SF3B3: variants seen among roughly 807,000 people sequenced by gnomAD.
SF3B3 encodes the protein SAP 130.
Under a neutral mutation model 139.2 loss-of-function variants are expected in SF3B3, and 33 were observed. The ratio of observed to expected loss-of-function variants is 0.24; its 90% CI spans 0.18 to 0.32. SF3B3 has a LOEUF of 0.32. Ranked by LOEUF, SF3B3 falls within the 10% of genes least tolerant of loss-of-function variation. The pLI, the probability that SF3B3 is intolerant of heterozygous loss-of-function variation, is 1.00. For missense variants in SF3B3, 818 were observed against 1,509.4 expected, an observed-to-expected ratio of 0.54 and a Z score of 7.59; for synonymous variants, 596 against 563.6, an observed-to-expected ratio of 1.06 and a Z score of -0.81.
intron 9 of SF3B3, 32 bp downstream of exon 9, chr16:70,541,866 A>G (rs1469969379): frequency 6.3e-7 from 1 of 1,584,770 alleles, no homozygotes; most frequent in African/African-American, 1.4e-5. Context: ...CTTCCACAAT[A>G]GATCTAAAGT....
At chr16:70,562,919 C>T (rs1279969292) in intron 17 of SF3B3, among the ~76,000 whole-genome samples, 1 of 151,986 alleles carries the variant, frequency 6.6e-6, no homozygotes, top group Admixed American at 6.6e-5. Flanking sequence ...GCCCCAACTT[C>T]CTGGGCTCAA....
At position 70,574,782 on chromosome 16, in the gene SF3B3, C is replaced by G. The variant is rs2050562194; in HGVS notation, c.*2969C>G. Reference sequence around the variant, plus strand: ...TGCTGTGATTACAGGCGTGAGCCACCATGCCCAGCCTCTAAATTCTGTTTT... The same window carrying G: ...TGCTGTGATTACAGGCGTGAGCCACGATGCCCAGCCTCTAAATTCTGTTTT... On this transcript the variant is annotated 3_prime_UTR_variant, in exon 26 of 26. Transcript: ENST00000302516. The G allele has an allele frequency of 6.6e-6, 1 of 152,140 alleles. No individual in the cohort carries two copies. Among genetic ancestry groups the G allele is most frequent in the Non-Finnish European group, 1.5e-5 (1 of 68,014 alleles). 9.4% of individuals were successfully genotyped at this position (152,140 alleles called of 1,614,324 possible). A position where few individuals can be genotyped will look rare whatever the true frequency, so the allele number is the denominator to read the frequency against.
At chr16:70,533,197 A>G (rs1203596068) in intron 5 of SF3B3, among the ~76,000 whole-genome samples, 1 of 152,182 alleles carries the variant, frequency 6.6e-6, no homozygotes, top group Non-Finnish European at 1.5e-5. Context: ...CCGTTTTAAA[A>G]CAAGTTTCTC....
rs1391097754 is a variant in SF3B3 at position 70,561,740 on chromosome 16, A to G, written c.2244A>G (p.Glu748=). ...AATTTGCATCGGGTTTTGCCTCGGA[A>G]CAGTGTCCCGAGGGCATTGTGGCCA... is the stretch of plus-strand genomic sequence containing the variant. ...TLEFASGFAS[E]QCPEGIVAIS... is the part of the protein sequence containing the mutation. The change falls in exon 17 of 26, where the codon GAA becomes GAG. Residue 748 remains glutamate, a synonymous_variant. Transcript: ENST00000302516. 4.3e-6 allele frequency: 7 copies of G among 1,613,934 alleles called. No homozygotes were observed. The highest frequency in any genetic ancestry group is 5.9e-6 in the Non-Finnish European group (7 of 1,179,986).
At chr16:70,555,580 C>G (rs949980614) in intron 13 of SF3B3, among the ~76,000 whole-genome samples, 5 of 151,532 alleles carry the variant, frequency 3.3e-5, no homozygotes, top group African/African-American at 4.9e-5. Flanking sequence ...ATGTCTAATT[C>G]TAGGTAGAGT....
intron 20 of SF3B3, 164 bp downstream of exon 20, chr16:70,565,688 T>TACCAGCACATGGAAAATGCTGG: frequency 1.6e-6 from 1 of 635,602 alleles, no homozygotes; most frequent in Non-Finnish European, 2.7e-6. Flanking sequence ...GTGATGTTCT[T>TACCAGCACATGGAAAATGCTGG]GTGCCTGTGC....
intron 24 of SF3B3, among the ~76,000 whole-genome samples, 183 bp downstream of exon 24, chr16:70,570,332 G>GTTT (rs1290801731): frequency 1.9e-4 from 20 of 106,900 alleles, no homozygotes; most frequent in Middle Eastern, 5.5e-3. Context: ...AAGGCCATTT[G>GTTT]GTTTTTTTTT....
At chr16:70,539,259 C>T (rs1254859115) in intron 8 of SF3B3, 52 bp downstream of exon 8, 3 of 1,359,300 alleles carry the variant, frequency 2.2e-6, no homozygotes, top group South Asian at 2.3e-5. Flanking sequence ...TAAAAGTTGG[C>T]AGCAGAAGCT....
At chr16:70,537,639 A>G (rs949596112) in intron 6 of SF3B3, among the ~76,000 whole-genome samples, 5 of 152,246 alleles carry the variant, frequency 3.3e-5, no homozygotes, top group African/African-American at 1.2e-4. Context: ...TCTTCTTGTT[A>G]AGGGATAGGA....
intron 1 of SF3B3, 142 bp downstream of exon 1, chr16:70,524,070 T>C (rs2050021453): frequency 2.5e-6 from 1 of 395,162 alleles, no homozygotes; most frequent in Middle Eastern, 6.3e-4. Flanking sequence ...CGAGGGATGG[T>C]TGAGGCGCCA....
chr16:70,528,464 CTTTTTTT>C (rs71387528), intron 2 of SF3B3, among the ~76,000 whole-genome samples: 11 of 103,914 alleles, frequency 1.1e-4, no homozygotes, highest in East Asian at 5.7e-4. Flanking sequence ...TGTGCGTGGC[CTTTTTTT>C]TTTTTTTTTT....
At chr16:70,530,028 G>GGAGGCTGA (rs66602839) in intron 3 of SF3B3, among the ~76,000 whole-genome samples, 142,325 of 151,108 alleles carry the variant, frequency 0.94, 67,123 homozygotes, top group East Asian at 1. Context: ...CAGCTACTTG[G>GGAGGCTGA]GGCAGGAGAA....
chr16:70,538,485 T>C (rs1312991693), intron 7 of SF3B3, 25 bp downstream of exon 7: 1 of 1,589,204 alleles, frequency 6.3e-7, no homozygotes, highest in South Asian at 1.1e-5. Flanking sequence ...GATGGACCAG[T>C]ATAGCTACTC....
At chr16:70,536,613 C>G (rs373890826) in intron 6 of SF3B3, among the ~76,000 whole-genome samples, 2 of 151,884 alleles carry the variant, frequency 1.3e-5, no homozygotes, top group Non-Finnish European at 2.9e-5. Flanking sequence ...CCCGCCTCGG[C>G]CTCCCAAAGT....
chr16:70,551,375 G>A (rs778745270), intron 11 of SF3B3, among the ~76,000 whole-genome samples: 2 of 152,096 alleles, frequency 1.3e-5, no homozygotes, highest in Non-Finnish European at 2.9e-5. Flanking sequence ...CATTTACCTT[G>A]ACTAAAGCTT....
At chr16:70,571,443 C>T (rs1019345670) in intron 25 of SF3B3, among the ~76,000 whole-genome samples, 5 of 152,158 alleles carry the variant, frequency 3.3e-5, no homozygotes, top group South Asian at 2.1e-4. Context: ...CCGGTCTGGG[C>T]GTGGTGGCAC....
At chr16:70,559,532 C>CA (rs1334640412) in intron 15 of SF3B3, among the ~76,000 whole-genome samples, 4 of 151,904 alleles carry the variant, frequency 2.6e-5, no homozygotes, top group East Asian at 1.9e-4. Flanking sequence ...ACCAAAAATA[C>CA]AAAAAATAGT....
chr16:70,567,575 T>G, intron 21 of SF3B3, 39 bp downstream of exon 21: 1 of 1,596,104 alleles, frequency 6.3e-7, no homozygotes, highest in South Asian at 1.1e-5. Flanking sequence ...CTAGCTCATG[T>G]GTCAAGGGTG....
chr16:70,539,142 C>T lies in SF3B3; in HGVS notation c.1002C>T (p.Pro334=), dbSNP rs751493606. Reference sequence around the variant, plus strand: ...GGCTCAAATATTTTGATACTGTACCCGTTGCTGCTGCCATGTGTGTGCTTA... The same window carrying T: ...GGCTCAAATATTTTGATACTGTACCTGTTGCTGCTGCCATGTGTGTGCTTA... ...EIRLKYFDTV[P]VAAAMCVLKT... Residue 334 remains proline, a synonymous_variant, in exon 8 of 26, where the codon CCC becomes CCT. Coordinates refer to ENST00000302516, the MANE Select transcript of SF3B3 (RefSeq NM_012426.5). 7.4e-6 allele frequency: 12 copies of T among 1,614,122 alleles called. No homozygotes were observed. The highest frequency in any genetic ancestry group is 1.0e-5 in the Non-Finnish European group (12 of 1,179,968).
Sources: allele counts gnomAD v4.1 joint callset (sites outside exome capture counted in the v4.1 genomes callset), GRCh38; gene constraint gnomAD v4.1.1; transcripts MANE v1.5; gene names NCBI Gene and HGNC (gene_info 2026-07-23, HGNC 2026-07-21).